Variants in ERF observed in about 807,000 individuals in gnomAD.
ERF encodes the protein ETS2 repressor factor.
ERF carries 10 observed loss-of-function variants against 41.6 expected under a neutral mutation model. The ratio of observed to expected loss-of-function variants is 0.24; its 90% CI spans 0.15 to 0.41. The LOEUF is 0.41. ERF is among the 10% of genes least tolerant of loss of function. The pLI is 1.00. For missense variants in ERF, 621 were observed against 763.2 expected (o/e 0.81, Z 2.19); for synonymous variants, 395 against 342.4 (o/e 1.15, Z -1.70).
intron 1 of ERF, among the ~76,000 whole-genome samples, chr19:42,254,113 C>T (rs1308399282): frequency 2.0e-5 from 3 of 151,586 alleles, no homozygotes; most frequent in Non-Finnish European, 4.4e-5. Context: ...CCCCGCCCGC[C>T]GACCGAGGGG....
Position 42,248,473 on chromosome 19 carries a change from C to G in ERF, c.1639G>C (p.Asp547His). The G allele has an allele frequency of 2.7e-6, 4 of 1,500,532 alleles. No homozygotes were observed. Among genetic ancestry groups the G allele is most frequent in the Non-Finnish European group, 3.6e-6 (4 of 1,125,864 alleles). The allele number at this position is 1,500,532 out of a possible 1,614,324, so 93.0% of individuals were successfully genotyped here. A position where few individuals can be genotyped will look rare whatever the true frequency, so the allele number is the denominator to read the frequency against. The change falls in exon 4 of 4, where the codon GAC becomes CAC. Residue 547 changes from aspartate to histidine, a missense_variant. Physicochemically the swap from Asp to His is moderately conservative, Grantham distance 81 (BLOSUM62 -1). Coordinates refer to ENST00000222329, the MANE Select transcript of ERF (RefSeq NM_006494.4). The surrounding 1 kb of genome is among the most constrained non-coding windows in gnomAD (Gnocchi z 4.2). ...TCCCCTGCCCACAGCCCTCAGGAGT[C>G]TCGGTGCTCCAGGGAGAGCTGGGCC... ...ATAQLSLEHR[D>H]S is the part of the protein sequence containing the mutation.
rs767793643 is a variant in ERF, at chr19:42,249,796, C to A, written c.373+31G>T. On this transcript the variant is annotated intron_variant, in intron 3 of 3. Coordinates refer to ENST00000222329, the MANE Select transcript of ERF (RefSeq NM_006494.4). This position sits in a 1 kb window ranked among gnomAD's most constrained non-coding sequence, Gnocchi z 8.6. ...GCCTAGCCTGAAGGGGCATGTAGAC[C>A]CTCTCCACACCAACCATCCCTGGTA... The A allele has an allele frequency of 6.2e-7, 1 of 1,614,044 alleles. No homozygotes were observed. Among genetic ancestry groups the A allele is most frequent in the Non-Finnish European group, 8.5e-7 (1 of 1,179,976 alleles).
At position 42,248,567 on chromosome 19, in the gene ERF, C is replaced by A; in HGVS notation, c.1545G>T (p.Gly515=). 6.4e-7 allele frequency: 1 copy of A among 1,573,500 alleles called. No homozygotes were observed. Among genetic ancestry groups the A allele is most frequent in the Non-Finnish European group, 8.6e-7 (1 of 1,159,880 alleles). The change falls in exon 4 of 4, where the codon GGG becomes GGT. Residue 515 remains glycine, a synonymous_variant. Transcript: ENST00000222329. The surrounding 1 kb of genome is among the most constrained non-coding windows in gnomAD (Gnocchi z 4.2). The stretch of plus-strand genomic sequence containing the variant: ...GCCCCCCAGCCTCCCCAGGCCCCTC[C>A]CCACGCACCTTCTTGTCCTCACCCT... ...EDEGEDKKVR[G]EGPGEAGGPL...
intron 1 of ERF, among the ~76,000 whole-genome samples, chr19:42,252,867 G>A (rs1438292876): frequency 6.6e-6 from 1 of 152,148 alleles, no homozygotes; most frequent in Non-Finnish European, 1.5e-5. Flanking sequence ...GCTTAAAACA[G>A]GGAAACACCA....
intron 1 of ERF, chr19:42,253,970 T>C (rs938216086): frequency 3.1e-5 from 31 of 1,010,912 alleles, no homozygotes; most frequent in East Asian, 1.1e-4. Context: ...TCCGACGGGG[T>C]AGACGGGCAG....
At chr19:42,253,760 C>G (rs1175313689) in intron 1 of ERF, 7 of 656,396 alleles carry the variant, frequency 1.1e-5, no homozygotes, top group Admixed American at 6.3e-5. Context: ...CCCCCACCCG[C>G]CGAGCAGGGG....
At chr19:42,252,080 G>A (rs977333581) in intron 1 of ERF, among the ~76,000 whole-genome samples, 1 of 152,134 alleles carries the variant, frequency 6.6e-6, no homozygotes, top group Non-Finnish European at 1.5e-5. Flanking sequence ...GGGAATCTAG[G>A]TGTTCAACCC....
Position 42,250,594 on chromosome 19 carries a change from G to C in ERF, c.23-29C>G. The C allele has an allele frequency of 6.2e-7, 1 of 1,604,466 alleles. No homozygotes were observed. Among genetic ancestry groups the C allele is most frequent in the South Asian group, 1.1e-5 (1 of 90,094 alleles). ...GGGACGGGAGGCAGGGAGTGGCCTG[G>C]GGTCAGGCTGCCAAGTCCAGGGCTC... On this transcript the variant is annotated intron_variant, in intron 1 of 3. Coordinates refer to ENST00000222329, the MANE Select transcript of ERF (RefSeq NM_006494.4). This position sits in a 1 kb window ranked among gnomAD's most constrained non-coding sequence, Gnocchi z 5.1.
rs139842507 is a variant in ERF, at chr19:42,248,868, G to C, written c.1244C>G (p.Ala415Gly). The C allele has an allele frequency of 2.5e-6, 4 of 1,607,224 alleles. No homozygotes were observed. The highest frequency in any genetic ancestry group is 1.7e-6 in the Non-Finnish European group (2 of 1,178,334). Residue 415 changes from alanine to glycine, a missense_variant, in exon 4 of 4, where the codon GCG (alanine) becomes GGG (glycine). Transcript: ENST00000222329. The surrounding 1 kb of genome is among the most constrained non-coding windows in gnomAD (Gnocchi z 4.2). ...TGGTGGCGGGGGCGGTGGGGCTAGC[G>C]CCCCTGCCCCCTCAGCCAGCCCGCC... ...SAGGLAEGAG[A>G]LAPPPPPPQI...
intron 1 of ERF, among the ~76,000 whole-genome samples, chr19:42,253,498 G>A (rs909634960): frequency 6.6e-6 from 1 of 152,142 alleles, no homozygotes; most frequent in Non-Finnish European, 1.5e-5. Flanking sequence ...TCAGGCCAAG[G>A]CCGGTAGCAG....
At chr19:42,252,886 C>A (rs1177863179) in intron 1 of ERF, among the ~76,000 whole-genome samples, 1 of 152,042 alleles carries the variant, frequency 6.6e-6, no homozygotes, top group Non-Finnish European at 1.5e-5. Flanking sequence ...CAGACCTGCA[C>A]GGAGGAAGCT....
chr19:42,249,666 G>C lies in ERF; in HGVS notation c.446C>G (p.Pro149Arg). ...CTCGGTGGGGGACAGCACCTCGGAG[G>C]GCGTTGAGGGAGGGAAGCGGAAGTG... ...GSHFRFPPST[P>R]SEVLSPTEDP... Residue 149 changes from proline (P) to arginine (R), a missense_variant, in exon 4 of 4, where the codon CCC (proline) becomes CGC (arginine). Pro to Arg is a moderately radical substitution (Grantham distance 103, BLOSUM62 -2). Transcript: ENST00000222329. The surrounding 1 kb of genome is among the most constrained non-coding windows in gnomAD (Gnocchi z 8.6). 6.2e-7 allele frequency: 1 copy of C among 1,603,886 alleles called. No homozygotes were observed.
In ERF at chr19:42,248,996, GGAA is replaced by G. The variant is rs199960550; in HGVS notation, c.1113_1115del (p.Ser373del). ...GCTGGAGCTTAAACTTGAATGGGGA[GGAA>G]GAAGAAGAAGAGGATGACGAGGCCG... is the stretch of plus-strand genomic sequence containing the variant. On this transcript the variant is annotated inframe_deletion, in exon 4 of 4. Transcript: ENST00000222329. The surrounding 1 kb of genome is among the most constrained non-coding windows in gnomAD (Gnocchi z 4.2). 410 of 1,609,182 alleles carry G rather than the reference GGAA, an allele frequency of 2.5e-4. 2 individuals carry two copies. Among genetic ancestry groups the G allele is most frequent in the East Asian group, 2.2e-3 (97 of 44,860 alleles).
chr19:42,253,828 G>A, intron 1 of ERF: 3 of 1,005,160 alleles, frequency 3.0e-6, no homozygotes, highest in Non-Finnish European at 3.6e-6. Context: ...GGGTGGGCCG[G>A]TCGGGGCACA....
Position 42,249,704 on chromosome 19 carries a change from C to T in ERF, c.408G>A (p.Pro136=), listed in dbSNP as rs140735416. 486 of 1,598,884 alleles carry T rather than the reference C, an allele frequency of 3.0e-4. 2 individuals are homozygous for T. The East Asian group carries it at 7.6e-3, about 25-fold the overall frequency. ...GGAAGCGGAAGTGGCTACCACCCGA[C>T]GGCACTGGCGGGGCACTCTGGGGCA... The part of the protein sequence containing the change: ...GAVPQSAPPV[P]SGGSHFRFPP... Residue 136 remains proline, a synonymous_variant, in exon 4 of 4, where the codon CCG becomes CCA. Transcript: ENST00000222329. The surrounding 1 kb of genome is among the most constrained non-coding windows in gnomAD (Gnocchi z 8.6).
rs368794183 is a variant in ERF at position 42,249,819 on chromosome 19, G to T, written c.373+8C>A. The T allele has an allele frequency of 5.6e-6, 9 of 1,614,130 alleles. No homozygotes were observed. In the East Asian group the frequency reaches 2.0e-4, roughly 36 times the overall value. On this transcript the variant is annotated splice_region_variant and intron_variant, in intron 3 of 3. Transcript: ENST00000222329. This position sits in a 1 kb window ranked among gnomAD's most constrained non-coding sequence, Gnocchi z 8.6. Reference sequence around the variant, plus strand: ...ACCCTCTCCACACCAACCATCCCTGGTACTCACCAGCCAACCCCACATCAA... The same window carrying T: ...ACCCTCTCCACACCAACCATCCCTGTTACTCACCAGCCAACCCCACATCAA...
In ERF at chr19:42,249,221, T is replaced by C. The variant is rs1486303473; in HGVS notation, c.891A>G (p.Ser297=). ...YPSGGGGPSG[S]GGGSHFSFSP... is the part of the protein sequence containing the mutation. ...TGAAGGAGAAGTGGGAGCCTCCCCC[T>C]GAGCCGCTGGGCCCCCCGCCACCAC... The change falls in exon 4 of 4, where the codon TCA becomes TCG. Residue 297 remains serine, a synonymous_variant. Coordinates refer to ENST00000222329, the MANE Select transcript of ERF (RefSeq NM_006494.4). The surrounding 1 kb of genome is among the most constrained non-coding windows in gnomAD (Gnocchi z 8.6). 2 of 1,613,158 alleles carry C rather than the reference T, an allele frequency of 1.2e-6. No individual in the cohort carries two copies. Among genetic ancestry groups the C allele is most frequent in the Admixed American group, 3.3e-5 (2 of 59,932 alleles).
chr19:42,253,963 G>C (rs1158547032), intron 1 of ERF: 1 of 1,015,006 alleles, frequency 9.9e-7, no homozygotes, highest in Non-Finnish European at 1.2e-6. Context: ...GCCGGATTCC[G>C]ACGGGGTAGA....
chr19:42,254,412 G>C (rs945223362), intron 1 of ERF: 1 of 152,684 alleles, frequency 6.5e-6, no homozygotes, highest in Admixed American at 6.5e-5. Flanking sequence ...TTGCGACTCG[G>C]CGAGGGCGGG....
Sources: gnomAD v4.1 joint callset for allele counts (sites outside exome capture counted in the v4.1 genomes callset) on GRCh38, gnomAD v4.1.1 for gene constraint, Gnocchi (gnomAD v3.1) non-coding constraint, MANE v1.5 for transcripts, NCBI Gene and HGNC (gene_info 2026-07-23, HGNC 2026-07-21) for gene names.